NCOA2: variants seen among roughly 807,000 people sequenced by gnomAD.
NCOA2 encodes nuclear receptor coactivator 2.
In NCOA2, 21 loss-of-function variants were observed where a neutral mutation model predicts 145.1. That is an observed-to-expected ratio of 0.14 (90% CI 0.10 to 0.21). The LOEUF is 0.21. Among genes scored for constraint, NCOA2 ranks in the 10% least tolerant of loss-of-function variants. NCOA2 has a pLI of 1.00. For missense variants in NCOA2, 1,472 were observed against 1,837.6 expected (o/e 0.80, Z 3.64); for synonymous variants, 619 against 637.5 (o/e 0.97, Z 0.44).
At chr8:70,129,652 T>A (rs112995918) in intron 16 of NCOA2, among the ~76,000 whole-genome samples, 18 of 152,144 alleles carry the variant, frequency 1.2e-4, no homozygotes, top group African/African-American at 4.3e-4. Context: ...CTACTAGACA[T>A]GGTTTATGTG....
chr8:70,187,377 T>A (rs1012688352), intron 4 of NCOA2, among the ~76,000 whole-genome samples: 1 of 152,244 alleles, frequency 6.6e-6, no homozygotes, highest in African/African-American at 2.4e-5. Flanking sequence ...GAAAAAATGG[T>A]AATATCCTCA....
At position 70,382,425 on chromosome 8, in the gene NCOA2, AG is replaced by A. The variant is rs559810761; in HGVS notation, c.-77+21274del. On this transcript the variant is annotated intron_variant, in intron 1 of 22. Transcript: ENST00000452400. ...TTACATTTAAAATGTCGTTTCCACA[AG>A]GAAGAAAGAGAACAAAGAAATCTTG... Among the ~76,000 whole-genome samples the A allele has an allele frequency of 1.9e-3, 287 of 152,304 alleles. 2 individuals carry two copies. Among genetic ancestry groups the A allele is most frequent in the African/African-American group, 6.4e-3 (268 of 41,578 alleles).
At chr8:70,260,488 A>G (rs925807369) in intron 2 of NCOA2, among the ~76,000 whole-genome samples, 14 of 152,170 alleles carry the variant, frequency 9.2e-5, no homozygotes, top group Admixed American at 7.2e-4. Flanking sequence ...TGAAACTTCC[A>G]AATGAATTTT....
chr8:70,368,545 A>C (rs1810919813), intron 1 of NCOA2, among the ~76,000 whole-genome samples: 1 of 152,232 alleles, frequency 6.6e-6, no homozygotes, highest in Non-Finnish European at 1.5e-5. Context: ...AGACCAAAGT[A>C]ACTCGTTATC....
intron 1 of NCOA2, among the ~76,000 whole-genome samples, chr8:70,320,988 T>C (rs540869887): frequency 6.6e-6 from 1 of 152,336 alleles, no homozygotes; most frequent in South Asian, 2.1e-4. Flanking sequence ...GAATGACTAC[T>C]ATTTCGCAGT....
intron 1 of NCOA2, among the ~76,000 whole-genome samples, chr8:70,371,852 G>A (rs955161809): frequency 1.3e-5 from 2 of 152,150 alleles, no homozygotes; most frequent in South Asian, 2.1e-4. Context: ...TCTTAAGAGA[G>A]CTATTTTAAA....
chr8:70,318,252 C>CA (rs1466432596), intron 1 of NCOA2, among the ~76,000 whole-genome samples: 30 of 152,302 alleles, frequency 2.0e-4, no homozygotes, highest in African/African-American at 7.0e-4. Flanking sequence ...ACTGAAAAGC[C>CA]ACCTAACAAA....
the NCOA2 span, among the ~76,000 whole-genome samples, chr8:70,454,213 A>G: frequency 6.6e-6 from 1 of 152,210 alleles, no homozygotes; most frequent in African/African-American, 2.4e-5. Flanking sequence ...TTGTGTTTAT[A>G]TAATACTCTA....
intron 1 of NCOA2, among the ~76,000 whole-genome samples, chr8:70,308,054 T>C (rs928396677): frequency 6.6e-6 from 1 of 152,212 alleles, no homozygotes; most frequent in Non-Finnish European, 1.5e-5. Context: ...ATGTTTTGTT[T>C]ACCAAAAATT....
At chr8:70,419,427 C>A in the NCOA2 span, among the ~76,000 whole-genome samples, 1 of 151,466 alleles carries the variant, frequency 6.6e-6, no homozygotes, top group African/African-American at 2.4e-5. Context: ...ATTTGAAATT[C>A]TTTCCTTCCC....
intron 2 of NCOA2, among the ~76,000 whole-genome samples, chr8:70,227,473 T>C (rs760177105): frequency 4.2e-4 from 64 of 152,318 alleles, no homozygotes; most frequent in Middle Eastern, 3.4e-3. Flanking sequence ...TTATGCTCTT[T>C]TCTCTGTTTT....
chr8:70,217,765 C>G (rs938630077), intron 2 of NCOA2, among the ~76,000 whole-genome samples: 1 of 151,982 alleles, frequency 6.6e-6, no homozygotes, highest in Admixed American at 6.6e-5. Flanking sequence ...TGTGAGGAAA[C>G]CATAAAAGAC....
chr8:70,249,800 T>C (rs562554588), intron 2 of NCOA2, among the ~76,000 whole-genome samples: 3 of 148,884 alleles, frequency 2.0e-5, no homozygotes, highest in East Asian at 2.1e-4. Context: ...CTGCCTCAAC[T>C]AAAAATATGA....
chr8:70,245,871 T>G (rs942352144), intron 2 of NCOA2, among the ~76,000 whole-genome samples: 1 of 152,136 alleles, frequency 6.6e-6, no homozygotes, highest in South Asian at 2.1e-4. Context: ...TCTGGCATAA[T>G]GAACACTTTG....
chr8:70,294,455 C>T (rs1406001106), intron 2 of NCOA2, among the ~76,000 whole-genome samples: 2 of 152,104 alleles, frequency 1.3e-5, no homozygotes, highest in African/African-American at 2.4e-5. Flanking sequence ...TGCCCCTACC[C>T]ATAATCTGTG....
Position 70,115,522 on chromosome 8 carries a change from G to C in NCOA2, c.4384-1879C>G, listed in dbSNP as rs562747707. ...GGTTGTAAGGATTAAACAAAATGAT[G>C]CACATGAAGTGTTTAAATAGTTCTT... On this transcript the variant is annotated intron_variant, in intron 22 of 22. Transcript: ENST00000452400. Among the ~76,000 whole-genome samples the C allele has an allele frequency of 7.9e-5, 12 of 152,254 alleles. No individual in the cohort carries two copies. The South Asian group carries it at 2.5e-3, about 32-fold the overall frequency.
intron 1 of NCOA2, among the ~76,000 whole-genome samples, chr8:70,304,658 GTTT>G (rs941035676): frequency 1.3e-5 from 2 of 150,728 alleles, no homozygotes; most frequent in Admixed American, 6.6e-5. Context: ...GTTTTGTTTT[GTTT>G]TTTTGTTTTT....
At chr8:70,159,242 A>ATATATATATATATATATATTTTTTTTTTT in intron 10 of NCOA2, among the ~76,000 whole-genome samples, 1 of 61,076 alleles carries the variant, frequency 1.6e-5, no homozygotes, top group African/African-American at 5.4e-5. Context: ...ATATATATAT[A>ATATATATATATATATATATTTTTTTTTTT]TTTTTTTTTT....
chr8:70,248,748 T>C (rs549186990), intron 2 of NCOA2, among the ~76,000 whole-genome samples: 1 of 115,934 alleles, frequency 8.6e-6, no homozygotes, highest in East Asian at 2.1e-4. Context: ...TCGGGAATAA[T>C]GACAGGGGAA....
Sources: allele counts gnomAD v4.1 joint callset (sites outside exome capture counted in the v4.1 genomes callset), GRCh38; gene constraint gnomAD v4.1.1; transcripts MANE v1.5; gene names NCBI Gene and HGNC (gene_info 2026-07-23, HGNC 2026-07-21).